The following RNF166 variants were observed in gnomAD, a reference collection of about 807,000 sequenced individuals.
RNF166 encodes ring finger protein 166, also known as E3 ubiquitin-protein ligase RNF166.
Under a neutral mutation model 29.4 loss-of-function variants are expected in RNF166, and 19 were observed. The observed-to-expected ratio is 0.65, with a 90% CI of 0.45 to 0.95. The LOEUF (loss-of-function observed/expected upper bound fraction) is 0.95, where lower values mean the gene tolerates loss of function less well. Ranked by LOEUF, RNF166 falls within the 40% of genes least tolerant of loss-of-function variation. The pLI, the probability that RNF166 is intolerant of heterozygous loss-of-function variation, is 0.00. For missense variants in RNF166, 347 were observed against 322.1 expected (o/e 1.08, Z -0.59); for synonymous variants, 171 against 134.5 (o/e 1.27, Z -1.88).
Position 88,699,095 on chromosome 16 carries a change from C to CG in RNF166, c.426-11dup, listed in dbSNP as rs756717516. 1.3e-6 allele frequency: 2 copies of CG among 1,582,036 alleles called. No individual in the cohort carries two copies. Among genetic ancestry groups the CG allele is most frequent in the Non-Finnish European group, 1.7e-6 (2 of 1,159,006 alleles). On this transcript the variant is annotated splice_polypyrimidine_tract_variant and intron_variant, in intron 3 of 5. Coordinates refer to ENST00000312838, the MANE Select transcript of RNF166 (RefSeq NM_178841.4). Reference sequence around the variant, plus strand: ...CCTGTTGGGGATGTTGCTGGCGGGGCGGGGGTAGAGTGAGTGGCACGGCTA... The same window carrying CG: ...CCTGTTGGGGATGTTGCTGGCGGGGCGGGGGGTAGAGTGAGTGGCACGGCTA...
In RNF166 at chr16:88,701,298, T is replaced by C. The variant is rs1293189878; in HGVS notation, c.276A>G (p.Ser92=). The part of the protein sequence containing the change: ...DKATHVEKQL[S]SYKAPCRGCN... The stretch of plus-strand genomic sequence containing the variant: ...AGCCTCGACAGGGCGCTTTGTAGGA[T>C]GAGAGCTGCTTCTCCACGTGGGTGG... Residue 92 remains serine, a synonymous_variant, in exon 2 of 6, where the codon TCA becomes TCG. Transcript: ENST00000312838. 5.6e-6 allele frequency: 9 copies of C among 1,613,750 alleles called. No homozygotes were observed. Among genetic ancestry groups the C allele is most frequent in the Non-Finnish European group, 7.6e-6 (9 of 1,179,936 alleles).
chr16:88,702,606 T>C (rs527256402), intron 1 of RNF166, among the ~76,000 whole-genome samples: 2 of 152,336 alleles, frequency 1.3e-5, no homozygotes, highest in Admixed American at 6.5e-5. Flanking sequence ...TCCCTCCTGC[T>C]GTCCCCCAGG....
intron 5 of RNF166, chr16:88,697,954 A>G (rs1175095800): frequency 4.3e-6 from 2 of 469,298 alleles, no homozygotes; most frequent in Non-Finnish European, 3.9e-6. Flanking sequence ...TTCCATCCTG[A>G]GGCAGGCGGA....
At chr16:88,705,058 G>A (rs1910639986) in intron 1 of RNF166, among the ~76,000 whole-genome samples, 2 of 152,224 alleles carry the variant, frequency 1.3e-5, no homozygotes, top group South Asian at 4.1e-4. Context: ...TGGAGGAGCA[G>A]GGGCAGAGCC....
chr16:88,698,662 C>T, intron 4 of RNF166, 53 bp from the exon 5 acceptor site: 2 of 1,371,656 alleles, frequency 1.5e-6, no homozygotes, highest in African/African-American at 1.5e-5. Context: ...GGCGGGGTAG[C>T]CGCAGTAGGA....
chr16:88,702,901 T>C, intron 1 of RNF166: 1 of 985,438 alleles, frequency 1.0e-6, no homozygotes, highest in African/African-American at 1.7e-5. Flanking sequence ...GGCAAGATGG[T>C]CCACCTGGGG....
chr16:88,701,303 G>C lies in RNF166; in HGVS notation c.271C>G (p.Leu91Val), dbSNP rs758418264. The C allele has an allele frequency of 2.5e-6, 4 of 1,613,800 alleles. No homozygotes were observed. The highest frequency in any genetic ancestry group is 1.7e-5 in the Admixed American group (1 of 60,030). ...CGACAGGGCGCTTTGTAGGATGAGA[G>C]CTGCTTCTCCACGTGGGTGGCCTTG... is the stretch of plus-strand genomic sequence containing the variant. Reference protein sequence around the residue: ...VDKATHVEKQLSSYKAPCRGC... With the variant: ...VDKATHVEKQVSSYKAPCRGC... Residue 91 changes from leucine (L) to valine (V), a missense_variant, in exon 2 of 6, where the codon CTC becomes GTC. Transcript: ENST00000312838.
chr16:88,698,210 G>A, intron 5 of RNF166: 1 of 617,252 alleles, frequency 1.6e-6, no homozygotes, highest in African/African-American at 1.8e-5. Context: ...CCAGAAGGAA[G>A]CCTGGCTCAC....
At chr16:88,702,822 C>T (rs1910389449) in intron 1 of RNF166, 2 of 985,390 alleles carry the variant, frequency 2.0e-6, no homozygotes, top group Non-Finnish European at 2.4e-6. Flanking sequence ...CAGGGTCATC[C>T]CTGGCACTGA....
intron 1 of RNF166, among the ~76,000 whole-genome samples, chr16:88,702,196 C>G (rs906409247): frequency 1.7e-5 from 2 of 119,154 alleles, no homozygotes; most frequent in African/African-American, 6.2e-5. Flanking sequence ...AGGGGTGCAC[C>G]ACCAGCCAGT....
At chr16:88,700,946 T>A in intron 2 of RNF166, 1 of 1,192,790 alleles carries the variant, frequency 8.4e-7, no homozygotes, top group Non-Finnish European at 1.0e-6. Context: ...GAAGGCTGCA[T>A]TGGGAAGGTT....
rs758441870 is a variant in RNF166, at chr16:88,698,558, C to T, written c.592G>A (p.Ala198Thr). The change falls in exon 5 of 6, where the codon GCC becomes ACC. Residue 198 changes from alanine to threonine, a missense_variant. Coordinates refer to ENST00000312838, the MANE Select transcript of RNF166 (RefSeq NM_178841.4). ...TGAAGCAGGTGCTGCAGGAAGTTGG[C>T]GCTCTTGTAGCTGGGGTCCCCCCAG... ...MPWGDPSYKS[A>T]NFLQHLLHRH... 2.4e-5 allele frequency: 37 copies of T among 1,571,522 alleles called. No homozygotes were observed. Among genetic ancestry groups the T allele is most frequent in the South Asian group, 1.1e-4 (9 of 85,450 alleles).
At position 88,697,075 on chromosome 16, in the gene RNF166, A is replaced by G. The variant is rs770397370; in HGVS notation, c.*493T>C. 1.1e-4 allele frequency: 19 copies of G among 172,448 alleles called. No individual in the cohort carries two copies. Among genetic ancestry groups the G allele is most frequent in the Non-Finnish European group, 1.9e-4 (15 of 80,624 alleles). The allele number at this position is 172,448 out of a possible 1,614,324, so 10.7% of individuals were successfully genotyped here. A position where few individuals can be genotyped will look rare whatever the true frequency, so the allele number is the denominator to read the frequency against. On this transcript the variant is annotated 3_prime_UTR_variant, in exon 6 of 6. Transcript: ENST00000312838. The stretch of plus-strand genomic sequence containing the variant: ...TTGCTCTATAAAACGTGAAAAGATT[A>G]TCACACTGGATAATATAGAAAAGAT...
chr16:88,701,334 C>T lies in RNF166; in HGVS notation c.240G>A (p.Lys80=), dbSNP rs761046384. The T allele has an allele frequency of 1.2e-6, 2 of 1,613,578 alleles. No homozygotes were observed. The highest frequency in any genetic ancestry group is 1.7e-6 in the Non-Finnish European group (2 of 1,179,918). ...PLCRLPFDPK[K]VDKATHVEKQ... is the part of the protein sequence containing the mutation. The stretch of plus-strand genomic sequence containing the variant: ...TCTCCACGTGGGTGGCCTTGTCCAC[C>T]TTCTTGGGGTCGAAGGGCAGGCGGC... Residue 80 remains lysine (K), a synonymous_variant, in exon 2 of 6, where the codon AAG becomes AAA. Transcript: ENST00000312838.
rs753432085 is a variant in RNF166 at position 88,697,234 on chromosome 16, G to A, written c.*334C>T. The A allele has an allele frequency of 1.4e-5, 3 of 218,670 alleles. No individual in the cohort carries two copies. Among genetic ancestry groups the A allele is most frequent in the Admixed American group, 5.6e-5 (1 of 17,864 alleles). 13.5% of individuals were successfully genotyped at this position (218,670 alleles called of 1,614,324 possible). ...GACTGCGGAGCGCGACTCGCGCGTC[G>A]GTCCCTTCTTCCCACGAGGGGGTAT... is the stretch of plus-strand genomic sequence containing the variant. On this transcript the variant is annotated 3_prime_UTR_variant, in exon 6 of 6. Transcript: ENST00000312838.
chr16:88,701,531 C>A, intron 1 of RNF166, 113 bp from the exon 2 acceptor site: 2 of 1,009,536 alleles, frequency 2.0e-6, no homozygotes, highest in Non-Finnish European at 2.8e-6. Flanking sequence ...AGGGGCAGCT[C>A]CCCCTACCGC....
At chr16:88,704,122 G>A in intron 1 of RNF166, 2 of 985,474 alleles carry the variant, frequency 2.0e-6, no homozygotes, top group Non-Finnish European at 2.4e-6. Context: ...TACCCTGGAG[G>A]AGGAAGTTGC....
At chr16:88,702,643 C>A (rs527759389) in intron 1 of RNF166, 44 of 954,178 alleles carry the variant, frequency 4.6e-5, no homozygotes, top group Non-Finnish European at 5.2e-5. Flanking sequence ...TGGATTCCCA[C>A]AGAGCCACCA....
intron 1 of RNF166, chr16:88,702,754 G>C: frequency 2.0e-6 from 2 of 985,432 alleles, no homozygotes; most frequent in Non-Finnish European, 2.4e-6. Flanking sequence ...AGAGTAAAGA[G>C]GTCGCTCACT....
Sources: gnomAD v4.1 joint callset for allele counts (sites outside exome capture counted in the v4.1 genomes callset) on GRCh38, gnomAD v4.1.1 for gene constraint, MANE v1.5 for transcripts, NCBI Gene and HGNC (gene_info 2026-07-23, HGNC 2026-07-21) for gene names.